The following CLINT1 variants were observed in gnomAD, a reference collection of about 807,000 sequenced individuals.
CLINT1 encodes the protein clathrin interacting protein localized in the trans-Golgi region.
In CLINT1, 15 loss-of-function variants were observed where a neutral mutation model predicts 70.4. The ratio of observed to expected loss-of-function variants is 0.21; its 90% CI spans 0.14 to 0.33. The LOEUF (loss-of-function observed/expected upper bound fraction) is 0.33, where lower values mean the gene tolerates loss of function less well. CLINT1 is among the 10% of genes least tolerant of loss of function. The pLI, the probability that CLINT1 is intolerant of heterozygous loss-of-function variation, is 1.00. For missense variants in CLINT1, 615 were observed against 778.1 expected (o/e 0.79, Z 2.49); for synonymous variants, 227 against 254.7 (o/e 0.89, Z 1.04).
At chr5:157,854,533 C>T (rs1241209056) in intron 1 of CLINT1, among the ~76,000 whole-genome samples, 3 of 151,894 alleles carry the variant, frequency 2.0e-5, no homozygotes, top group Non-Finnish European at 4.4e-5. Flanking sequence ...GACCCTGTCT[C>T]AAAAATAAAA....
intron 1 of CLINT1, among the ~76,000 whole-genome samples, chr5:157,846,446 G>T (rs763428553): frequency 6.6e-6 from 1 of 152,204 alleles, no homozygotes; most frequent in African/African-American, 2.4e-5. Flanking sequence ...TTCTATGAAG[G>T]CTGAGAGAGG....
intron 3 of CLINT1, 119 bp from the exon 4 acceptor site, chr5:157,814,412 G>C (rs1233280531): frequency 7.2e-6 from 5 of 697,984 alleles, no homozygotes; most frequent in Non-Finnish European, 1.2e-5. Context: ...CTGGTGGTGA[G>C]GTTTCTTTAC....
chr5:157,791,848 C>T lies in CLINT1; in HGVS notation c.1235G>A (p.Gly412Asp). The T allele has an allele frequency of 6.2e-7, 1 of 1,613,920 alleles. No homozygotes were observed. ...AGAATTTGAGGCAGCAGGAGGTGGG[C>T]CTAGAGCTGATTGTGAGCCACTAAC... ...ELVSGSQSALGPPPAASNSSD... is the reference protein window; with the variant it reads ...ELVSGSQSALDPPPAASNSSD... Residue 412 changes from glycine to aspartate, a missense_variant, in exon 10 of 12, where the codon GGC becomes GAC. Gly to Asp is a moderately conservative substitution (Grantham distance 94). Transcript: ENST00000411809.
chr5:157,855,270 C>G (rs1365756816), intron 1 of CLINT1, among the ~76,000 whole-genome samples: 1 of 151,768 alleles, frequency 6.6e-6, no homozygotes, highest in Non-Finnish European at 1.5e-5. Flanking sequence ...TGATCTACCA[C>G]TACCATGTCA....
rs959123305 is a variant in CLINT1, at chr5:157,787,864, G to A, written c.1660C>T (p.Pro554Ser). Reference sequence around the variant, plus strand: ...CCCATGGTGCCAGTCATCACATTGGGCATGCTCATAGGCATGGGTCCCCCT... The same window carrying A: ...CCCATGGTGCCAGTCATCACATTGGACATGCTCATAGGCATGGGTCCCCCT... ...LIGGPMPMSM[P>S]NVMTGTMGMA... Residue 554 changes from proline to serine, a missense_variant, in exon 12 of 12, where the codon CCC becomes TCC. By Grantham distance (74) the Pro-to-Ser change is moderately conservative (BLOSUM62 -1). Around this residue, in one of 2 missense-constraint regions of CLINT1, gnomAD observed 374 missense variants for 409.6 expected, o/e 0.91. Coordinates refer to ENST00000411809, the MANE Select transcript of CLINT1 (RefSeq NM_014666.4). The A allele has an allele frequency of 1.6e-5, 26 of 1,613,738 alleles. No individual in the cohort carries two copies. Among genetic ancestry groups the A allele is most frequent in the Non-Finnish European group, 2.1e-5 (25 of 1,179,844 alleles).
intron 8 of CLINT1, among the ~76,000 whole-genome samples, chr5:157,801,152 T>C (rs1172251456): frequency 3.9e-5 from 6 of 152,186 alleles, no homozygotes; most frequent in Admixed American, 3.9e-4. Context: ...TCAAGTTTAA[T>C]GAATAATTTT....
chr5:157,853,452 T>TC (rs1479053109), intron 1 of CLINT1, among the ~76,000 whole-genome samples: 1 of 151,646 alleles, frequency 6.6e-6, no homozygotes, highest in Non-Finnish European at 1.5e-5. Flanking sequence ...GGCTAAGTAC[T>TC]TTCAATGGAC....
At chr5:157,843,753 A>C (rs1753274826) in intron 1 of CLINT1, among the ~76,000 whole-genome samples, 1 of 152,218 alleles carries the variant, frequency 6.6e-6, no homozygotes, top group Non-Finnish European at 1.5e-5. Context: ...AACATCTAAA[A>C]AAAGTAGTAA....
chr5:157,820,882 T>C (rs192167315), intron 1 of CLINT1, among the ~76,000 whole-genome samples: 1 of 152,122 alleles, frequency 6.6e-6, no homozygotes, highest in East Asian at 1.9e-4. Flanking sequence ...CACACAACAA[T>C]CCAGACAAAG....
rs1561662775 is a variant in CLINT1 at position 157,830,761 on chromosome 5, T to TCC, written c.42-13215_42-13214insGG. Among the ~76,000 whole-genome samples the TCC allele has an allele frequency of 4.8e-3, 296 of 61,692 alleles. 2 individuals are homozygous for TCC. Among genetic ancestry groups the TCC allele is most frequent in the African/African-American group, 0.017 (274 of 16,566 alleles). 40.5% of individuals were successfully genotyped at this position (61,692 alleles called of 152,430 possible). A position where few individuals can be genotyped will look rare whatever the true frequency, so the allele number is the denominator to read the frequency against. ...CCCTGCCCCTCCCTCTCTCTCCCTC[T>TCC]CTCTCTCTCTCTCTCTCTCTCTCTC... On this transcript the variant is annotated intron_variant, in intron 1 of 11. Coordinates refer to ENST00000411809, the MANE Select transcript of CLINT1 (RefSeq NM_014666.4).
Position 157,787,483 on chromosome 5 carries a change from T to C in CLINT1, c.*163A>G. The C allele has an allele frequency of 1.5e-6, 1 of 664,708 alleles. No homozygotes were observed. The highest frequency in any genetic ancestry group is 2.5e-6 in the Non-Finnish European group (1 of 393,762). The allele number at this position is 664,708 out of a possible 1,614,324, so 41.2% of individuals were successfully genotyped here. On this transcript the variant is annotated 3_prime_UTR_variant, in exon 12 of 12. Coordinates refer to ENST00000411809, the MANE Select transcript of CLINT1 (RefSeq NM_014666.4). ...AGTGCTCTTGCCTGGCCCTCTGAAA[T>C]ACTGGATATTTCACTTTTATAAAAC... is the stretch of plus-strand genomic sequence containing the variant.
chr5:157,789,704 A>G (rs1761843723), intron 10 of CLINT1, 191 bp from the exon 11 acceptor site: 1 of 700,840 alleles, frequency 1.4e-6, no homozygotes, highest in Non-Finnish European at 2.3e-6. Flanking sequence ...AATACCCTGA[A>G]TCATTAGCTT....
intron 1 of CLINT1, among the ~76,000 whole-genome samples, chr5:157,838,340 C>CTCAAA (rs1329814209): frequency 1.3e-5 from 2 of 152,176 alleles, no homozygotes; most frequent in African/African-American, 2.4e-5. Flanking sequence ...CCAGGCTGGT[C>CTCAAA]TCAAACTCCT....
intron 1 of CLINT1, among the ~76,000 whole-genome samples, chr5:157,821,138 G>A (rs2113230255): frequency 6.6e-6 from 1 of 152,042 alleles, no homozygotes; most frequent in Non-Finnish European, 1.5e-5. Flanking sequence ...TTGGATACAG[G>A]CTTTTCTACT....
At chr5:157,788,252 C>G (rs1055073422) in intron 11 of CLINT1, among the ~76,000 whole-genome samples, 1 of 152,072 alleles carries the variant, frequency 6.6e-6, no homozygotes, top group South Asian at 2.1e-4. Flanking sequence ...AAAAACATTC[C>G]TACAAAACCT....
chr5:157,838,339 T>G (rs1021250238), intron 1 of CLINT1, among the ~76,000 whole-genome samples: 3 of 152,136 alleles, frequency 2.0e-5, no homozygotes, highest in Non-Finnish European at 4.4e-5. Flanking sequence ...GCCAGGCTGG[T>G]CTCAAACTCC....
intron 4 of CLINT1, 43 bp from the exon 5 acceptor site, chr5:157,813,270 T>TG: frequency 6.4e-6 from 10 of 1,552,930 alleles, no homozygotes; most frequent in Non-Finnish European, 8.7e-6. Flanking sequence ...AGAATTCACT[T>TG]AATATGTATC....
chr5:157,848,167 T>G lies in CLINT1; in HGVS notation c.41+10763A>C, dbSNP rs538106121. Among the ~76,000 whole-genome samples the G allele has an allele frequency of 1.7e-3, 259 of 148,210 alleles. 1 individual carries two copies. The highest frequency in any genetic ancestry group is 6.3e-3 in the African/African-American group (251 of 39,952). ...TCGCCCAGGCTGGAGTGGCACTATCTTGGCTCACTGAAACCTCCACTTTCC... is the reference window on the plus strand; with the variant it reads ...TCGCCCAGGCTGGAGTGGCACTATCGTGGCTCACTGAAACCTCCACTTTCC... On this transcript the variant is annotated intron_variant, in intron 1 of 11. Transcript: ENST00000411809.
At chr5:157,838,932 T>C (rs1372562437) in intron 1 of CLINT1, among the ~76,000 whole-genome samples, 2 of 152,252 alleles carry the variant, frequency 1.3e-5, no homozygotes, top group Non-Finnish European at 2.9e-5. Context: ...TTATTCTCTT[T>C]ATATTTAATA....
Sources: allele counts gnomAD v4.1 joint callset (sites outside exome capture counted in the v4.1 genomes callset), GRCh38; gene constraint gnomAD v4.1.1; regional missense constraint gnomAD v4.1.1; transcripts MANE v1.5; gene names NCBI Gene and HGNC (gene_info 2026-07-23, HGNC 2026-07-21).